The following MAN1A1 variants were observed in gnomAD, a reference collection of about 807,000 sequenced individuals.
The protein encoded by MAN1A1 is mannosidase alpha class 1A member 1.
A neutral mutation model predicts 70.8 loss-of-function variants in MAN1A1; 29 were observed. The observed-to-expected ratio is 0.41, with a 90% CI of 0.31 to 0.56. MAN1A1 has a LOEUF of 0.56. Among genes scored for constraint, MAN1A1 ranks in the 20% least tolerant of loss-of-function variants. The pLI, the probability that MAN1A1 is intolerant of heterozygous loss-of-function variation, is 0.29. For synonymous variants in MAN1A1, 349 were observed against 330.1 expected, an observed-to-expected ratio of 1.06 and a Z score of -0.62; for missense variants, 747 against 841.3, an observed-to-expected ratio of 0.89 and a Z score of 1.39.
intron 2 of MAN1A1, among the ~76,000 whole-genome samples, chr6:119,311,904 T>A (rs889646668): frequency 6.6e-6 from 1 of 152,146 alleles, no homozygotes; most frequent in Non-Finnish European, 1.5e-5. Flanking sequence ...ATGCTAAAAA[T>A]CTGCTTGTTC....
chr6:119,217,984 G>C (rs185700172), intron 6 of MAN1A1, among the ~76,000 whole-genome samples: 1 of 152,274 alleles, frequency 6.6e-6, no homozygotes, highest in Non-Finnish European at 1.5e-5. Flanking sequence ...CATTCCATAA[G>C]TGAAGAATCA....
chr6:119,224,366 C>G (rs1317139813), intron 6 of MAN1A1, among the ~76,000 whole-genome samples: 1 of 152,172 alleles, frequency 6.6e-6, no homozygotes. Context: ...TTAGCAATGT[C>G]TACAAAATTT....
At chr6:119,255,712 C>G (rs1427111755) in intron 5 of MAN1A1, among the ~76,000 whole-genome samples, 1 of 152,118 alleles carries the variant, frequency 6.6e-6, no homozygotes, top group African/African-American at 2.4e-5. Context: ...CCAGCTACAC[C>G]CAAGTGAATA....
chr6:119,230,633 G>T (rs1774650517), intron 6 of MAN1A1, among the ~76,000 whole-genome samples: 2 of 152,120 alleles, frequency 1.3e-5, no homozygotes, highest in Admixed American at 6.5e-5. Context: ...ACTAATGTTT[G>T]TCTCTTCCCT....
At chr6:119,190,946 CTGCT>C (rs1429512076) in intron 9 of MAN1A1, among the ~76,000 whole-genome samples, 1 of 152,156 alleles carries the variant, frequency 6.6e-6, no homozygotes, top group Non-Finnish European at 1.5e-5. Context: ...TACCTGTACA[CTGCT>C]ATCAAGAGAG....
intron 6 of MAN1A1, among the ~76,000 whole-genome samples, chr6:119,218,757 C>G (rs981843676): frequency 5.3e-5 from 8 of 152,118 alleles, no homozygotes; most frequent in Middle Eastern, 3.2e-3. Context: ...ATGAATGCAC[C>G]CCGCGCTGGG....
intron 11 of MAN1A1, among the ~76,000 whole-genome samples, chr6:119,186,580 T>G (rs1357149473): frequency 6.6e-6 from 1 of 152,118 alleles, no homozygotes; most frequent in Non-Finnish European, 1.5e-5. Flanking sequence ...CTCCAAAACC[T>G]CCTTGGTTGA....
chr6:119,326,309 C>T (rs776742691), intron 2 of MAN1A1, among the ~76,000 whole-genome samples: 3 of 152,196 alleles, frequency 2.0e-5, no homozygotes, highest in Non-Finnish European at 4.4e-5. Flanking sequence ...TCTGCAAAGA[C>T]GGAAAAGACG....
At chr6:119,331,605 G>A (rs1773318080) in intron 2 of MAN1A1, among the ~76,000 whole-genome samples, 1 of 86,714 alleles carries the variant, frequency 1.2e-5, no homozygotes, top group African/African-American at 4.1e-5. Context: ...ATATAATCAA[G>A]GGGATATAAA....
chr6:119,282,310 C>T (rs1432734320), intron 5 of MAN1A1, among the ~76,000 whole-genome samples: 1 of 152,106 alleles, frequency 6.6e-6, no homozygotes, highest in East Asian at 1.9e-4. Context: ...ATTATCAGTA[C>T]AAGATAGGGC....
At chr6:119,180,090 G>T in intron 12 of MAN1A1, 145 bp from the exon 13 acceptor site, 1 of 904,842 alleles carries the variant, frequency 1.1e-6, no homozygotes, top group Non-Finnish European at 1.7e-6. Flanking sequence ...ACCCTGAGGG[G>T]TTATACTCAT....
At chr6:119,293,329 C>T (rs1772101216) in intron 4 of MAN1A1, among the ~76,000 whole-genome samples, 1 of 152,064 alleles carries the variant, frequency 6.6e-6, no homozygotes, top group Non-Finnish European at 1.5e-5. Flanking sequence ...AACCTAAATT[C>T]TATTTATCTT....
intron 2 of MAN1A1, among the ~76,000 whole-genome samples, chr6:119,307,278 C>T (rs1446013129): frequency 6.6e-6 from 1 of 151,400 alleles, no homozygotes; most frequent in African/African-American, 2.4e-5. Flanking sequence ...TTCCCAACAA[C>T]AGGAATTTAG....
chr6:119,233,650 T>C (rs1020790855), intron 6 of MAN1A1, among the ~76,000 whole-genome samples: 2 of 152,234 alleles, frequency 1.3e-5, no homozygotes, highest in African/African-American at 4.8e-5. Flanking sequence ...AAGCTGCTAA[T>C]TCTTAAATCT....
At chr6:119,268,222 A>G (rs1775812536) in intron 5 of MAN1A1, among the ~76,000 whole-genome samples, 1 of 152,194 alleles carries the variant, frequency 6.6e-6, no homozygotes, top group Non-Finnish European at 1.5e-5. Flanking sequence ...GTTACCAGTG[A>G]TATAGTTCAT....
intron 11 of MAN1A1, among the ~76,000 whole-genome samples, chr6:119,181,983 T>G (rs1044840707): frequency 6.6e-6 from 1 of 152,190 alleles, no homozygotes; most frequent in African/African-American, 2.4e-5. Flanking sequence ...CTATATCAAT[T>G]TTCATTGCCA....
chr6:119,342,025 T>C (rs916184197), intron 2 of MAN1A1, among the ~76,000 whole-genome samples: 9 of 152,182 alleles, frequency 5.9e-5, no homozygotes, highest in Non-Finnish European at 8.8e-5. Context: ...CTCTGAAAGA[T>C]GGTATCTGCG....
chr6:119,239,826 A>G (rs896382360), intron 6 of MAN1A1, among the ~76,000 whole-genome samples: 4 of 152,210 alleles, frequency 2.6e-5, no homozygotes, highest in African/African-American at 7.2e-5. Context: ...TGAGGGAGGT[A>G]TATGAATTTA....
chr6:119,243,736 C>CGT (rs770508674), intron 6 of MAN1A1, among the ~76,000 whole-genome samples: 16 of 151,964 alleles, frequency 1.1e-4, no homozygotes, highest in Non-Finnish European at 2.4e-4. Context: ...CCAATGACAT[C>CGT]GTATGTATTT....
Sources: gnomAD v4.1 joint callset for allele counts (sites outside exome capture counted in the v4.1 genomes callset) on GRCh38, gnomAD v4.1.1 for gene constraint, MANE v1.5 for transcripts, NCBI Gene and HGNC (gene_info 2026-07-23, HGNC 2026-07-21) for gene names.